The following SNX24 variants were observed in gnomAD, a reference collection of about 807,000 sequenced individuals.
SNX24 encodes sorting nexin 24.
Under a neutral mutation model 28.7 loss-of-function variants are expected in SNX24, and 22 were observed. The observed-to-expected ratio is 0.77, with a 90% CI of 0.55 to 1.10. The LOEUF (loss-of-function observed/expected upper bound fraction) is 1.10. Among genes scored for constraint, SNX24 ranks in the 50% least tolerant of loss-of-function variants. The probability of loss-of-function intolerance (pLI) is 0.00; values close to 1 mark genes in which losing one functional copy is unlikely to be tolerated. For synonymous variants in SNX24, 69 were observed against 71.5 expected, an observed-to-expected ratio of 0.96 and a Z score of 0.18; for missense variants, 221 against 201.1, an observed-to-expected ratio of 1.10 and a Z score of -0.60.
intron 2 of SNX24, among the ~76,000 whole-genome samples, chr5:122,939,732 A>G (rs1338730524): frequency 1.3e-5 from 2 of 152,176 alleles, no homozygotes; most frequent in African/African-American, 4.8e-5. Flanking sequence ...AGATGTACTG[A>G]ATTAGAATCT....
intron 5 of SNX24, among the ~76,000 whole-genome samples, chr5:123,019,856 T>G (rs1762737547): frequency 6.6e-6 from 1 of 152,262 alleles, no homozygotes; most frequent in African/African-American, 2.4e-5. Flanking sequence ...ATTTTCATAG[T>G]CATCAGTTTG....
At chr5:122,934,044 A>G (rs1759081882) in intron 1 of SNX24, among the ~76,000 whole-genome samples, 1 of 151,948 alleles carries the variant, frequency 6.6e-6, no homozygotes, top group Admixed American at 6.6e-5. Context: ...CAGCCCCCAT[A>G]AAGGCTGACC....
chr5:123,017,775 T>G (rs1762704538), intron 5 of SNX24, among the ~76,000 whole-genome samples: 1 of 152,116 alleles, frequency 6.6e-6, no homozygotes, highest in South Asian at 2.1e-4. Flanking sequence ...CTCTCTTCCC[T>G]TGTCTGCTAC....
Position 122,900,424 on chromosome 5 carries a change from A to G in SNX24, c.61-36310A>G, listed in dbSNP as rs373724175. Among the ~76,000 whole-genome samples, 6 of 152,192 alleles carry G rather than the reference A, an allele frequency of 3.9e-5. No individual in the cohort carries two copies. In the East Asian group the frequency reaches 9.6e-4, roughly 24 times the overall value. ...TGCAGGTCTGTGCATTGGAAATTAA[A>G]TTCAAATTTTCATTCTATATGGCCA... is the stretch of plus-strand genomic sequence containing the variant. On this transcript the variant is annotated intron_variant, in intron 1 of 6. Coordinates refer to ENST00000261369, the MANE Select transcript of SNX24 (RefSeq NM_014035.4).
rs144727384 is a variant in SNX24 at position 122,875,041 on chromosome 5, T to C, written c.60+29348T>C. Among the ~76,000 whole-genome samples the C allele has an allele frequency of 8.3e-3, 1,260 of 152,352 alleles. 17 individuals are homozygous for C. Among genetic ancestry groups the C allele is most frequent in the African/African-American group, 0.029 (1,194 of 41,578 alleles). ...CTTATATGGGATATGATTTATGATC[T>C]GAATACAGTTCATACCATAAGCCCC... On this transcript the variant is annotated intron_variant, in intron 1 of 6. Coordinates refer to ENST00000261369, the MANE Select transcript of SNX24 (RefSeq NM_014035.4).
intron 5 of SNX24, among the ~76,000 whole-genome samples, chr5:123,021,104 T>TTC (rs147785627): frequency 1.4e-5 from 2 of 146,556 alleles, no homozygotes; most frequent in African/African-American, 2.5e-5. Flanking sequence ...TCCACACAGT[T>TTC]CCCCCCCCGT....
chr5:122,983,363 T>G (rs1005817463), intron 3 of SNX24, among the ~76,000 whole-genome samples: 5 of 152,210 alleles, frequency 3.3e-5, no homozygotes, highest in Non-Finnish European at 5.9e-5. Flanking sequence ...TTGTTCTTTC[T>G]CTGTCTTAAG....
At chr5:122,991,998 A>C (rs576513069) in intron 3 of SNX24, among the ~76,000 whole-genome samples, 1 of 152,346 alleles carries the variant, frequency 6.6e-6, no homozygotes, top group East Asian at 1.9e-4. Flanking sequence ...AAAATATTCC[A>C]ATAAAATTAA....
rs552878412 is a variant in SNX24, at chr5:123,001,833, C to G, written c.378-107C>G. On this transcript the variant is annotated intron_variant, in intron 5 of 6. Transcript: ENST00000261369. ...TCACCCACACTGTTAGAACATAAAC[C>G]TTGAGACGTCCCCGCACAGCAGTTT... 57 of 905,858 alleles carry G rather than the reference C, an allele frequency of 6.3e-5. 1 individual carries two copies. The South Asian group carries it at 7.4e-4, about 12-fold the overall frequency. The allele number at this position is 905,858 out of a possible 1,614,324, so 56.1% of individuals were successfully genotyped here. A position where few individuals can be genotyped will look rare whatever the true frequency, so the allele number is the denominator to read the frequency against.
At chr5:122,894,399 A>G (rs1278493212) in intron 1 of SNX24, among the ~76,000 whole-genome samples, 1 of 151,972 alleles carries the variant, frequency 6.6e-6, no homozygotes, top group Non-Finnish European at 1.5e-5. Flanking sequence ...ATGTCATATT[A>G]TATATAATCT....
intron 3 of SNX24, among the ~76,000 whole-genome samples, chr5:122,990,324 A>G (rs1761785691): frequency 6.6e-6 from 1 of 152,208 alleles, no homozygotes; most frequent in African/African-American, 2.4e-5. Context: ...TTATAACCGA[A>G]CAAATATAAA....
chr5:122,989,125 A>G (rs905992341), intron 3 of SNX24, among the ~76,000 whole-genome samples: 6 of 152,146 alleles, frequency 3.9e-5, no homozygotes, highest in African/African-American at 1.4e-4. Context: ...TACAATCTGC[A>G]GAAGCATGAG....
chr5:122,904,442 C>G (rs1447857217), intron 1 of SNX24, among the ~76,000 whole-genome samples: 1 of 152,182 alleles, frequency 6.6e-6, no homozygotes, highest in African/African-American at 2.4e-5. Flanking sequence ...CTCTGCCTCC[C>G]AAAGTGCTGG....
At chr5:123,016,921 G>T (rs1217982175) in intron 5 of SNX24, among the ~76,000 whole-genome samples, 1 of 151,944 alleles carries the variant, frequency 6.6e-6, no homozygotes, top group African/African-American at 2.4e-5. Flanking sequence ...CCATTTCCAG[G>T]ATATCTGCAG....
At chr5:123,001,329 T>A in intron 4 of SNX24, 76 bp from the exon 5 acceptor site, 1 of 978,986 alleles carries the variant, frequency 1.0e-6, no homozygotes, top group Non-Finnish European at 1.6e-6. Flanking sequence ...ATATTGGGTA[T>A]TTTTTCCTTT....
chr5:123,012,742 C>T (rs977459452), downstream of SNX24, among the ~76,000 whole-genome samples: 1 of 152,222 alleles, frequency 6.6e-6, no homozygotes, highest in African/African-American at 2.4e-5. Context: ...TCAGGTAGCA[C>T]TGTCTGTCGT....
intron 1 of SNX24, among the ~76,000 whole-genome samples, chr5:122,848,204 G>A (rs1268120694): frequency 6.6e-6 from 1 of 152,170 alleles, no homozygotes; most frequent in African/African-American, 2.4e-5. Context: ...TTGGGCTCAA[G>A]TGATCCTTCC....
intron 3 of SNX24, among the ~76,000 whole-genome samples, chr5:122,971,215 C>T (rs1443808146): frequency 4.6e-5 from 7 of 152,182 alleles, no homozygotes; most frequent in Non-Finnish European, 1.0e-4. Context: ...AGGAAGCATC[C>T]AGCATGGGAG....
chr5:122,914,133 G>A (rs1387178529), intron 1 of SNX24, among the ~76,000 whole-genome samples: 5 of 152,102 alleles, frequency 3.3e-5, no homozygotes, highest in African/African-American at 1.2e-4. Flanking sequence ...TGGGGAGAGG[G>A]AGAGGGAGAG....
Sources: gnomAD v4.1 joint callset for allele counts (sites outside exome capture counted in the v4.1 genomes callset) on GRCh38, gnomAD v4.1.1 for gene constraint, MANE v1.5 for transcripts, NCBI Gene and HGNC (gene_info 2026-07-23, HGNC 2026-07-21) for gene names.